Variants in DIAPH2 observed in about 807,000 individuals in gnomAD.
The protein encoded by DIAPH2 is diaphanous related formin 2, also known as protein diaphanous homolog 2.
A neutral mutation model predicts 92.7 loss-of-function variants in DIAPH2; 35 were observed. The ratio of observed to expected loss-of-function variants is 0.38; its 90% confidence interval spans 0.29 to 0.50. DIAPH2 has a LOEUF of 0.50. DIAPH2 is among the 20% of genes least tolerant of loss of function. The pLI is 0.94. For missense variants in DIAPH2, 701 were observed against 819.5 expected (o/e 0.86, Z 1.77); for synonymous variants, 301 against 280.4 (o/e 1.07, Z -0.73).
chrX:97,327,528 G>A (rs1002426560), intron 23 of DIAPH2, among the ~76,000 whole-genome samples: 35 of 111,801 alleles, frequency 3.1e-4, no homozygotes, highest in Admixed American at 3.0e-3. Flanking sequence ...CGCCTCCCCA[G>A]TTCAAACAAT....
chrX:97,355,550 A>G (rs1048377889), intron 24 of DIAPH2, among the ~76,000 whole-genome samples: 4 of 111,535 alleles, frequency 3.6e-5, no homozygotes, highest in African/African-American at 6.5e-5. Context: ...TAGATGCCTC[A>G]TAAGTTGGTG....
intron 17 of DIAPH2, among the ~76,000 whole-genome samples, chrX:97,006,563 A>G (rs1337749315): frequency 8.9e-6 from 1 of 111,956 alleles, no homozygotes; most frequent in Non-Finnish European, 1.9e-5. Flanking sequence ...CAGTTTTGAA[A>G]TCTATTTTGT....
At chrX:96,698,108 T>G (rs1449752262) in intron 1 of DIAPH2, among the ~76,000 whole-genome samples, 1 of 111,876 alleles carries the variant, frequency 8.9e-6, no homozygotes, top group African/African-American at 3.3e-5. Flanking sequence ...GCCTGTGTAC[T>G]TTACTACTGT....
At chrX:96,920,310 T>C (rs893950843) in intron 9 of DIAPH2, among the ~76,000 whole-genome samples, 8 of 112,087 alleles carry the variant, frequency 7.1e-5, no homozygotes, top group Admixed American at 5.7e-4. Flanking sequence ...TTCATGTTCC[T>C]GTGGTTGGGC....
chrX:97,315,004 A>G (rs1230502765), intron 23 of DIAPH2, among the ~76,000 whole-genome samples: 1 of 112,064 alleles, frequency 8.9e-6, no homozygotes, highest in African/African-American at 3.2e-5. Context: ...GAAGATGAGA[A>G]ATAATATTCT....
intron 1 of DIAPH2, among the ~76,000 whole-genome samples, chrX:96,724,587 G>T (rs1004904788): frequency 9.0e-6 from 1 of 111,573 alleles, no homozygotes; most frequent in African/African-American, 3.3e-5. Flanking sequence ...GCTTGATTTT[G>T]CTGGTTTGAA....
At chrX:96,960,309 A>G (rs2065838966) in intron 16 of DIAPH2, among the ~76,000 whole-genome samples, 2 of 110,821 alleles carry the variant, frequency 1.8e-5, no homozygotes, top group African/African-American at 6.5e-5. Flanking sequence ...TTTTTCTTAT[A>G]AAGGTCTTTT....
intron 17 of DIAPH2, among the ~76,000 whole-genome samples, chrX:97,070,888 T>A (rs1421425718): frequency 8.9e-6 from 1 of 111,940 alleles, no homozygotes; most frequent in African/African-American, 3.2e-5. Flanking sequence ...ATATTTTAAT[T>A]AAAAAATGCA....
intron 24 of DIAPH2, among the ~76,000 whole-genome samples, chrX:97,355,411 A>G (rs1270179826): frequency 2.7e-5 from 3 of 110,643 alleles, no homozygotes; most frequent in African/African-American, 9.8e-5. Context: ...CATTAAAAAA[A>G]AAAAAAACTT....
rs1430133178 is a variant in DIAPH2, at chrX:97,116,110, T to C, written c.2589+1145T>C. 2.7e-5 allele frequency among the ~76,000 whole-genome samples: 3 copies of C among 112,087 alleles called. No homozygotes were observed. In the East Asian group the frequency reaches 8.3e-4, roughly 31 times the overall value. The stretch of plus-strand genomic sequence containing the variant: ...ATAATGAGAATCCCAAATCTAGCAA[T>C]GGATATGAATTTCTTTTCTATACAT... On this transcript the variant is annotated intron_variant, in intron 21 of 26. Coordinates refer to ENST00000324765, the MANE Select transcript of DIAPH2 (RefSeq NM_006729.5).
intron 23 of DIAPH2, among the ~76,000 whole-genome samples, chrX:97,254,258 A>G (rs138709807): frequency 0.014 from 1,586 of 111,149 alleles, 44 homozygotes; most frequent in African/African-American, 0.05. Context: ...TTGGGAGGCC[A>G]AGGTGGGTAG....
intron 16 of DIAPH2, among the ~76,000 whole-genome samples, chrX:96,959,187 A>G (rs1379685750): frequency 9.0e-6 from 1 of 111,516 alleles, no homozygotes; most frequent in Non-Finnish European, 1.9e-5. Context: ...TATTATTTAT[A>G]TTTTTGAGAA....
At chrX:96,977,384 G>C (rs1287023366) in intron 17 of DIAPH2, among the ~76,000 whole-genome samples, 1 of 111,505 alleles carries the variant, frequency 9.0e-6, no homozygotes, top group Non-Finnish European at 1.9e-5. Flanking sequence ...GAAGGAATGT[G>C]GTCTTCATGT....
At chrX:97,386,299 G>A (rs1368767822) in intron 25 of DIAPH2, among the ~76,000 whole-genome samples, 2 of 112,017 alleles carry the variant, frequency 1.8e-5, no homozygotes, top group Admixed American at 9.5e-5. Context: ...TCTATCAGGA[G>A]GTAAGCACTA....
intron 22 of DIAPH2, among the ~76,000 whole-genome samples, chrX:97,242,453 T>C (rs1197959704): frequency 6.4e-5 from 7 of 109,849 alleles, no homozygotes; most frequent in African/African-American, 2.3e-4. Context: ...AACCTCTGTC[T>C]CCCAAGTTCA....
rs2063827219 is a variant in DIAPH2, at chrX:96,696,719, T to C, written c.132+11529T>C. Among the ~76,000 whole-genome samples, 4 of 111,889 alleles carry C rather than the reference T, an allele frequency of 3.6e-5. No individual in the cohort carries two copies. In the South Asian group the frequency reaches 1.5e-3, roughly 42 times the overall value. ...GCTTTGGTTCAGTGACCAAGTACAG[T>C]ATGCAAGCCTTCCCAGAGATGATTC... On this transcript the variant is annotated intron_variant, in intron 1 of 26. Coordinates refer to ENST00000324765, the MANE Select transcript of DIAPH2 (RefSeq NM_006729.5).
chrX:96,715,790 G>A (rs2063946130), intron 1 of DIAPH2, among the ~76,000 whole-genome samples: 1 of 111,425 alleles, frequency 9.0e-6, no homozygotes, highest in African/African-American at 3.3e-5. Context: ...CTGCTACCCA[G>A]TATGTATTTA....
At chrX:97,507,141 C>CAAAAA (rs397896097) in intron 26 of DIAPH2, among the ~76,000 whole-genome samples, 9 of 31,114 alleles carry the variant, frequency 2.9e-4, no homozygotes, top group African/African-American at 6.9e-4. Context: ...ACAAAACCGA[C>CAAAAA]AAAAAAAAAA....
chrX:97,315,666 ATT>A (rs5903074), intron 23 of DIAPH2, among the ~76,000 whole-genome samples: 3 of 100,993 alleles, frequency 3.0e-5, no homozygotes, highest in Non-Finnish European at 4.0e-5. Flanking sequence ...TCTTTTAACC[ATT>A]TTTTTTTTTT....
Sources: allele counts gnomAD v4.1 joint callset (sites outside exome capture counted in the v4.1 genomes callset), GRCh38; gene constraint gnomAD v4.1.1; transcripts MANE v1.5; gene names NCBI Gene and HGNC (gene_info 2026-07-23, HGNC 2026-07-21).